Variants in ADAMTS6 observed in about 807,000 individuals in gnomAD.
ADAMTS6 encodes the protein ADAM metallopeptidase with thrombospondin type 1 motif 6, also known as A disintegrin and metalloproteinase with thrombospondin motifs 6.
ADAMTS6 carries 23 observed loss-of-function variants against 144.3 expected under a neutral mutation model. The ratio of observed to expected loss-of-function variants is 0.16; its 90% CI spans 0.11 to 0.23. The LOEUF (loss-of-function observed/expected upper bound fraction) is 0.23, where lower values mean the gene tolerates loss of function less well. Ranked by LOEUF, ADAMTS6 falls within the 10% of genes least tolerant of loss-of-function variation. ADAMTS6 has a pLI of 1.00. For synonymous variants in ADAMTS6, 444 were observed against 457.5 expected, an observed-to-expected ratio of 0.97 and a Z score of 0.38; for missense variants, 999 against 1,379.6, an observed-to-expected ratio of 0.72 and a Z score of 4.37.
intron 7 of ADAMTS6, among the ~76,000 whole-genome samples, chr5:65,421,062 AC>A (rs1304557190): frequency 6.6e-6 from 1 of 152,230 alleles, no homozygotes; most frequent in Non-Finnish European, 1.5e-5. Context: ...TAGAACATTT[AC>A]ATTCAATGTT....
chr5:65,284,255 T>C (rs995868145), intron 11 of ADAMTS6, among the ~76,000 whole-genome samples: 4 of 152,086 alleles, frequency 2.6e-5, no homozygotes, highest in Non-Finnish European at 5.9e-5. Context: ...AGGGAAAGGA[T>C]ACCTTGATCA....
At chr5:65,332,287 G>GTATA (rs367547551) in intron 8 of ADAMTS6, among the ~76,000 whole-genome samples, 2,132 of 117,722 alleles carry the variant, frequency 0.018, 33 homozygotes, top group East Asian at 0.032. Flanking sequence ...GACAGTGAGG[G>GTATA]TATATATATA....
At chr5:65,466,483 T>G (rs960614032) in intron 3 of ADAMTS6, among the ~76,000 whole-genome samples, 1 of 152,238 alleles carries the variant, frequency 6.6e-6, no homozygotes. Context: ...TATCTTTTTG[T>G]GTGTATACCC....
intron 9 of ADAMTS6, among the ~76,000 whole-genome samples, chr5:65,316,459 C>T (rs1360251220): frequency 6.6e-6 from 1 of 151,900 alleles, no homozygotes; most frequent in African/African-American, 2.4e-5. Context: ...AAACAAACAG[C>T]AATATTATCA....
chr5:65,470,563 T>C (rs190725355), intron 3 of ADAMTS6, among the ~76,000 whole-genome samples: 294 of 152,186 alleles, frequency 1.9e-3, no homozygotes, highest in Non-Finnish European at 3.5e-3. Flanking sequence ...CTTCTAATAA[T>C]AGAGTTTTAA....
At chr5:65,297,337 A>G (rs1742938214) in intron 10 of ADAMTS6, 6 of 433,552 alleles carry the variant, frequency 1.4e-5, no homozygotes, top group African/African-American at 2.1e-5. Flanking sequence ...TTTGTATTCT[A>G]TTGGCCATGG....
At chr5:65,254,250 G>A (rs1041358168) in intron 14 of ADAMTS6, among the ~76,000 whole-genome samples, 3 of 151,992 alleles carry the variant, frequency 2.0e-5, no homozygotes, top group Admixed American at 6.6e-5. Context: ...AAATGTAGAC[G>A]CTTCTGCTCT....
intron 7 of ADAMTS6, among the ~76,000 whole-genome samples, chr5:65,438,570 A>C (rs752645361): frequency 6.6e-6 from 1 of 152,088 alleles, no homozygotes; most frequent in East Asian, 1.9e-4. Flanking sequence ...AGATTCCTAC[A>C]TCGTACCTAT....
chr5:65,353,596 T>C (rs1749054016), intron 7 of ADAMTS6, among the ~76,000 whole-genome samples: 1 of 152,000 alleles, frequency 6.6e-6, no homozygotes, highest in Non-Finnish European at 1.5e-5. Context: ...ATGATTAACA[T>C]TTGGAAAAAG....
chr5:65,259,203 G>GTATATA (rs78132452), intron 14 of ADAMTS6, among the ~76,000 whole-genome samples: 6 of 147,612 alleles, frequency 4.1e-5, no homozygotes, highest in Admixed American at 1.3e-4. Context: ...ACTAAAAAGT[G>GTATATA]TATATATATA....
At chr5:65,292,386 GTT>G (rs200773430) in intron 10 of ADAMTS6, among the ~76,000 whole-genome samples, 1 of 122,964 alleles carries the variant, frequency 8.1e-6, no homozygotes. Flanking sequence ...CAGCACTTGT[GTT>G]TTTTTTTTTT....
intron 9 of ADAMTS6, among the ~76,000 whole-genome samples, chr5:65,320,566 T>C (rs1745515874): frequency 1.3e-5 from 2 of 151,818 alleles, no homozygotes; most frequent in African/African-American, 2.4e-5. Flanking sequence ...TTTTTTTTTT[T>C]ACTTTTAAGT....
chr5:65,252,391 G>A (rs1201127008), intron 14 of ADAMTS6, among the ~76,000 whole-genome samples: 8 of 151,012 alleles, frequency 5.3e-5, no homozygotes, highest in Admixed American at 1.3e-4. Flanking sequence ...ACAGGCGCCC[G>A]CAACCACGCC....
In ADAMTS6 at chr5:65,199,541, T is replaced by G. The variant is rs575215428; in HGVS notation, c.2576-2390A>C. On this transcript the variant is annotated intron_variant, in intron 20 of 24. Transcript: ENST00000381055. ...GGTACATAATATTTGTTATCAAAAA[T>G]TTGGAAAATTACACAAAACCACAAG... is the stretch of plus-strand genomic sequence containing the variant. Among the ~76,000 whole-genome samples, 164 of 152,294 alleles carry G rather than the reference T, an allele frequency of 1.1e-3. 2 individuals carry two copies. In the South Asian group the frequency reaches 0.014, roughly 13 times the overall value.
intron 24 of ADAMTS6, among the ~76,000 whole-genome samples, chr5:65,165,845 AC>A (rs1561238737): frequency 7.6e-6 from 1 of 131,574 alleles, no homozygotes; most frequent in Admixed American, 8.0e-5. Context: ...CGATTTTGTC[AC>A]CACCAGGCCT....
chr5:65,302,196 T>C (rs1743482072), intron 9 of ADAMTS6, among the ~76,000 whole-genome samples: 1 of 144,288 alleles, frequency 6.9e-6, no homozygotes, highest in South Asian at 2.1e-4. Flanking sequence ...TATATATTTA[T>C]ATGATATTAT....
At chr5:65,186,497 T>A (rs1754679844) in intron 22 of ADAMTS6, among the ~76,000 whole-genome samples, 1 of 152,174 alleles carries the variant, frequency 6.6e-6, no homozygotes, top group Non-Finnish European at 1.5e-5. Flanking sequence ...TGGCAGCCAA[T>A]CATTAGGTCT....
At chr5:65,285,250 C>A (rs1360652034) in intron 11 of ADAMTS6, among the ~76,000 whole-genome samples, 1 of 152,004 alleles carries the variant, frequency 6.6e-6, no homozygotes, top group Non-Finnish European at 1.5e-5. Context: ...TGGCTTCTAC[C>A]TTTTTCTCCT....
intron 24 of ADAMTS6, among the ~76,000 whole-genome samples, chr5:65,160,557 C>A (rs535449101): frequency 9.9e-5 from 15 of 151,964 alleles, no homozygotes; most frequent in African/African-American, 3.6e-4. Context: ...GCCCGCCTCG[C>A]CCTCCCAAAG....
Sources: allele counts gnomAD v4.1 joint callset (sites outside exome capture counted in the v4.1 genomes callset), GRCh38; gene constraint gnomAD v4.1.1; transcripts MANE v1.5; gene names NCBI Gene and HGNC (gene_info 2026-07-23, HGNC 2026-07-21).